Variants in QKI observed in about 807,000 individuals in gnomAD.
QKI encodes the protein KH domain-containing RNA-binding protein QKI.
In QKI, 10 loss-of-function variants were observed where a neutral mutation model predicts 39.0. That is an observed-to-expected ratio of 0.26 (90% CI 0.16 to 0.43). The LOEUF is 0.43. QKI is among the 20% of genes least tolerant of loss of function. The pLI, the probability that QKI is intolerant of heterozygous loss-of-function variation, is 1.00. For synonymous variants in QKI, 204 were observed against 155.4 expected (o/e 1.31, Z -2.33); for missense variants, 218 against 428.0 (o/e 0.51, Z 4.33).
chr6:163,542,413 TATTAAG>T (rs1222142623), intron 4 of QKI, among the ~76,000 whole-genome samples: 1 of 151,996 alleles, frequency 6.6e-6, no homozygotes, highest in African/African-American at 2.4e-5. Flanking sequence ...ATTATGCTGA[TATTAAG>T]ATTGAGAAAG....
At chr6:163,424,623 A>G (rs1413869662) in intron 1 of QKI, among the ~76,000 whole-genome samples, 1 of 151,576 alleles carries the variant, frequency 6.6e-6, no homozygotes, top group Non-Finnish European at 1.5e-5. Flanking sequence ...AAGTAGCAGC[A>G]TCACTGCTTG....
At chr6:163,564,694 A>T in intron 6 of QKI, 1 of 1,614,068 alleles carries the variant, frequency 6.2e-7, no homozygotes, top group Non-Finnish European at 8.5e-7. Context: ...GTCATGCCTG[A>T]TATTTCAGCC....
chr6:163,560,413 G>A (rs900398852), intron 4 of QKI, among the ~76,000 whole-genome samples: 5 of 152,128 alleles, frequency 3.3e-5, no homozygotes, highest in African/African-American at 1.2e-4. Context: ...AGAATGTATT[G>A]ACCACATTAA....
chr6:163,450,564 G>A (rs11966922), intron 1 of QKI, among the ~76,000 whole-genome samples: 4,237 of 151,680 alleles, frequency 0.028, 197 homozygotes, highest in African/African-American at 0.097. Flanking sequence ...AAGAATAAAG[G>A]TCACATAAAA....
At chr6:163,481,620 T>C (rs1464773274) in intron 3 of QKI, among the ~76,000 whole-genome samples, 1 of 152,226 alleles carries the variant, frequency 6.6e-6, no homozygotes, top group African/African-American at 2.4e-5. Flanking sequence ...TACTATATTA[T>C]TCTAAGCTGC....
chr6:163,563,607 A>G lies in QKI; in HGVS notation c.822A>G (p.Ile274Met). ...GAACTCCTCACCCAACTGCTGCAAT[A>G]GTTCCTCCAGGGCCCGAAGCTGGTT... ...PNGTPHPTAAIVPPGPEAGLI... is the reference protein window; with the variant it reads ...PNGTPHPTAAMVPPGPEAGLI... Residue 274 changes from isoleucine to methionine, a missense_variant, in exon 6 of 8, where the codon ATA becomes ATG. By Grantham distance (10) the Ile-to-Met change is conservative. This residue lies in a region of QKI where 117 missense variants were observed against 186.0 expected (regional missense o/e 0.63). Coordinates refer to ENST00000361752, the MANE Select transcript of QKI (RefSeq NM_006775.3). 6.2e-7 allele frequency: 1 copy of G among 1,614,206 alleles called. No individual in the cohort carries two copies. Among genetic ancestry groups the G allele is most frequent in the Non-Finnish European group, 8.5e-7 (1 of 1,180,040 alleles).
At chr6:163,464,290 T>TA (rs1206631716) in intron 2 of QKI, among the ~76,000 whole-genome samples, 1 of 151,992 alleles carries the variant, frequency 6.6e-6, no homozygotes, top group Non-Finnish European at 1.5e-5. Context: ...TTTTTTTTTT[T>TA]AATGGGTGGG....
intron 2 of QKI, among the ~76,000 whole-genome samples, chr6:163,458,634 T>G (rs1331477579): frequency 1.3e-5 from 2 of 152,028 alleles, no homozygotes; most frequent in Non-Finnish European, 2.9e-5. Context: ...TCTCTGAAAC[T>G]GATATGAGAA....
At position 163,571,021 on chromosome 6, in the gene QKI, C is replaced by T. The variant is rs961323284; in HGVS notation, c.*311C>T. 3 of 225,492 alleles carry T rather than the reference C, an allele frequency of 1.3e-5. No homozygotes were observed. The highest frequency in any genetic ancestry group is 1.6e-4 in the South Asian group (1 of 6,310). 14.0% of individuals were successfully genotyped at this position (225,492 alleles called of 1,614,324 possible). A position where few individuals can be genotyped will look rare whatever the true frequency, so the allele number is the denominator to read the frequency against. On this transcript the variant is annotated 3_prime_UTR_variant, in exon 8 of 8. Transcript: ENST00000361752. The stretch of plus-strand genomic sequence containing the variant: ...CTTTTAATATCCCACCCTAAGCGAA[C>T]GGTAAGAAGGCCTCTCTTAAGAAGG...
chr6:163,421,183 A>G (rs917663295), intron 1 of QKI, among the ~76,000 whole-genome samples: 2 of 152,350 alleles, frequency 1.3e-5, no homozygotes, highest in East Asian at 3.9e-4. Flanking sequence ...AAAGGCACTT[A>G]TATGTTTTCT....
chr6:163,476,335 G>C (rs1478549555), intron 2 of QKI, among the ~76,000 whole-genome samples: 2 of 149,028 alleles, frequency 1.3e-5, no homozygotes, highest in African/African-American at 5.0e-5. Flanking sequence ...TTTCTCAAGG[G>C]TCAGTCTCTT....
intron 1 of QKI, among the ~76,000 whole-genome samples, chr6:163,447,826 C>A (rs1790266140): frequency 6.6e-6 from 1 of 152,054 alleles, no homozygotes; most frequent in South Asian, 2.1e-4. Context: ...CCCATGCTTG[C>A]AGTGTTTTGA....
intron 3 of QKI, among the ~76,000 whole-genome samples, chr6:163,509,508 G>A (rs1475365511): frequency 6.6e-6 from 1 of 151,808 alleles, no homozygotes; most frequent in Non-Finnish European, 1.5e-5. Flanking sequence ...GTCCTGTGGA[G>A]TTTTTGATTC....
At chr6:163,478,650 G>A in intron 2 of QKI, 130 bp from the exon 3 acceptor site, 2 of 641,650 alleles carry the variant, frequency 3.1e-6, no homozygotes, top group South Asian at 4.4e-5. Flanking sequence ...AAGGGCTCTA[G>A]ATTTTATTTC....
chr6:163,565,715 A>G (rs993133368), intron 6 of QKI: 3 of 1,206,470 alleles, frequency 2.5e-6, no homozygotes, highest in Middle Eastern at 3.4e-4. Flanking sequence ...AAAACATGAT[A>G]TTGACCACTT....
intron 3 of QKI, among the ~76,000 whole-genome samples, chr6:163,533,521 TG>T (rs1781000570): frequency 6.6e-6 from 1 of 152,242 alleles, no homozygotes; most frequent in African/African-American, 2.4e-5. Flanking sequence ...ATCAGATTTT[TG>T]TACTGCCACC....
intron 1 of QKI, among the ~76,000 whole-genome samples, chr6:163,420,391 C>T (rs1787903741): frequency 6.6e-6 from 1 of 152,036 alleles, no homozygotes; most frequent in Non-Finnish European, 1.5e-5. Context: ...ATGGAAAATG[C>T]TGTGACATTG....
rs1467302918 is a variant in QKI at position 163,414,775 on chromosome 6, A to C, written c.-419A>C. 1 of 145,326 alleles carries C rather than the reference A, an allele frequency of 6.9e-6. No individual in the cohort carries two copies. The highest frequency in any genetic ancestry group is 1.5e-5 in the Non-Finnish European group (1 of 65,682). 9.0% of individuals were successfully genotyped at this position (145,326 alleles called of 1,614,324 possible). On this transcript the variant is annotated 5_prime_UTR_variant, in exon 1 of 8. Transcript: ENST00000361752. Reference sequence around the variant, plus strand: ...CCGCGGCGGGGACCAGCCCAGAGAGACCCCCCGAGCCCGCGGCACAGGCGG... The same window carrying C: ...CCGCGGCGGGGACCAGCCCAGAGAGCCCCCCCGAGCCCGCGGCACAGGCGG...
Position 163,415,235 on chromosome 6 carries a change from C to G in QKI, c.42C>G (p.Thr14=), listed in dbSNP as rs555814946. ...EMETKEKPKP[T]PDYLMQLMND... ...AAACGAAGGAGAAGCCGAAGCCCAC[C>G]CCAGATTACCTGATGCAGCTGATGA... Residue 14 remains threonine (T), a synonymous_variant, in exon 1 of 8, where the codon ACC becomes ACG. Coordinates refer to ENST00000361752, the MANE Select transcript of QKI (RefSeq NM_006775.3). The G allele has an allele frequency of 6.3e-7, 1 of 1,597,412 alleles. No individual in the cohort carries two copies. Among genetic ancestry groups the G allele is most frequent in the African/African-American group, 1.3e-5 (1 of 74,120 alleles).
Sources: allele counts gnomAD v4.1 joint callset (sites outside exome capture counted in the v4.1 genomes callset), GRCh38; gene constraint gnomAD v4.1.1; regional missense constraint gnomAD v4.1.1; transcripts MANE v1.5; gene names NCBI Gene and HGNC (gene_info 2026-07-23, HGNC 2026-07-21).